UNC13C: variants seen among roughly 807,000 people sequenced by gnomAD.
UNC13C encodes protein unc-13 homolog C.
UNC13C carries 174 observed loss-of-function variants against 245.4 expected under a neutral mutation model. The ratio of observed to expected loss-of-function variants is 0.71; its 90% CI spans 0.63 to 0.80. UNC13C has a LOEUF of 0.80. Ranked by LOEUF, UNC13C falls within the 30% of genes least tolerant of loss-of-function variation. The pLI is 0.00. For missense variants in UNC13C, 2,829 were observed against 2,602.9 expected (o/e 1.09, Z -1.89); for synonymous variants, 992 against 895.1 (o/e 1.11, Z -1.93).
chr15:53,923,795 C>T, the UNC13C span, among the ~76,000 whole-genome samples: 1 of 152,222 alleles, frequency 6.6e-6, no homozygotes, highest in Non-Finnish European at 1.5e-5. Flanking sequence ...AGGCACTTTC[C>T]TCCCACGCTT....
chr15:53,951,807 C>T, the UNC13C span, among the ~76,000 whole-genome samples: 2 of 152,152 alleles, frequency 1.3e-5, no homozygotes, highest in Non-Finnish European at 2.9e-5. Flanking sequence ...GTGCAAGTAA[C>T]CTTTCCTCCT....
chr15:54,008,564 A>G (rs912762341), intron 1 of UNC13C, among the ~76,000 whole-genome samples: 3 of 152,206 alleles, frequency 2.0e-5, no homozygotes, highest in African/African-American at 7.2e-5. Context: ...TAGTTATTTA[A>G]CTAAAGTTAA....
intron 10 of UNC13C, among the ~76,000 whole-genome samples, chr15:54,291,815 G>C (rs1043238074): frequency 1.3e-5 from 2 of 151,944 alleles, no homozygotes; most frequent in Non-Finnish European, 2.9e-5. Flanking sequence ...CTGAAACAAA[G>C]TAACGCATGA....
chr15:54,169,690 T>A (rs2033315094), intron 4 of UNC13C, among the ~76,000 whole-genome samples: 1 of 152,174 alleles, frequency 6.6e-6, no homozygotes, highest in African/African-American at 2.4e-5. Flanking sequence ...GCCCTAGGGC[T>A]TTAAGCTTTC....
intron 13 of UNC13C, among the ~76,000 whole-genome samples, chr15:54,309,335 AT>A: frequency 6.6e-6 from 1 of 151,808 alleles, no homozygotes; most frequent in East Asian, 1.9e-4. Context: ...TCCTTTGCCC[AT>A]TTTTTAATCA....
chr15:54,389,595 C>T (rs890645298), intron 17 of UNC13C, among the ~76,000 whole-genome samples: 1 of 152,188 alleles, frequency 6.6e-6, no homozygotes, highest in Non-Finnish European at 1.5e-5. Flanking sequence ...GTACATGATA[C>T]TAACATAGAG....
chr15:54,624,149 T>C (rs1900989523), intron 32 of UNC13C, among the ~76,000 whole-genome samples, 195 bp downstream of exon 32: 1 of 152,180 alleles, frequency 6.6e-6, no homozygotes, highest in Non-Finnish European at 1.5e-5. Context: ...GTATATATCA[T>C]AGGAGGTGTC....
the UNC13C span, among the ~76,000 whole-genome samples, chr15:53,935,318 C>A: frequency 6.6e-6 from 1 of 152,030 alleles, no homozygotes; most frequent in South Asian, 2.1e-4. Flanking sequence ...CCCCTCTGTT[C>A]ATTTATTTGG....
At chr15:54,024,153 C>A (rs932286849) in intron 2 of UNC13C, among the ~76,000 whole-genome samples, 3 of 152,118 alleles carry the variant, frequency 2.0e-5, no homozygotes, top group Non-Finnish European at 4.4e-5. Flanking sequence ...AGAGAGGAGA[C>A]CGACTCCAGT....
At chr15:54,353,704 A>T (rs919023593) in intron 17 of UNC13C, among the ~76,000 whole-genome samples, 2 of 152,130 alleles carry the variant, frequency 1.3e-5, no homozygotes, top group African/African-American at 4.8e-5. Flanking sequence ...TTATTTTCTA[A>T]ATGTCTAATT....
chr15:54,213,608 G>A (rs940584310), intron 4 of UNC13C, among the ~76,000 whole-genome samples: 2 of 152,008 alleles, frequency 1.3e-5, no homozygotes, highest in African/African-American at 4.8e-5. Context: ...TGGGTTGCAG[G>A]CAAATTATTT....
At chr15:53,971,201 T>C in the UNC13C span, among the ~76,000 whole-genome samples, 2 of 152,208 alleles carry the variant, frequency 1.3e-5, no homozygotes, top group Admixed American at 6.5e-5. Context: ...AATGGATAAA[T>C]GACAGCCTCT....
intron 1 of UNC13C, among the ~76,000 whole-genome samples, chr15:54,006,714 G>T (rs1895152534): frequency 6.6e-6 from 1 of 152,104 alleles, no homozygotes; most frequent in South Asian, 2.1e-4. Flanking sequence ...CAACCTATTT[G>T]CTCATCATCT....
At chr15:54,545,195 G>A (rs1217697312) in intron 26 of UNC13C, among the ~76,000 whole-genome samples, 1 of 152,120 alleles carries the variant, frequency 6.6e-6, no homozygotes, top group Non-Finnish European at 1.5e-5. Context: ...CAAGCAATGG[G>A]GAAACGATTC....
chr15:54,531,374 T>A (rs1302315449), intron 25 of UNC13C, among the ~76,000 whole-genome samples: 1 of 152,212 alleles, frequency 6.6e-6, no homozygotes, highest in Non-Finnish European at 1.5e-5. Context: ...TCAGTTAAAC[T>A]TGAATTTTAG....
intron 19 of UNC13C, among the ~76,000 whole-genome samples, chr15:54,468,968 TGAA>T (rs1892316627): frequency 6.6e-6 from 1 of 151,672 alleles, no homozygotes; most frequent in African/African-American, 2.4e-5. Flanking sequence ...TCTATTTCCG[TGAA>T]GAATAGCATT....
chr15:54,485,552 C>G (rs1468052813), intron 19 of UNC13C, among the ~76,000 whole-genome samples: 1 of 152,220 alleles, frequency 6.6e-6, no homozygotes, highest in Non-Finnish European at 1.5e-5. Flanking sequence ...TCATCCCTGT[C>G]TTCTGTTCAC....
the UNC13C span, among the ~76,000 whole-genome samples, chr15:53,904,547 C>T: frequency 6.6e-6 from 1 of 152,078 alleles, no homozygotes; most frequent in Non-Finnish European, 1.5e-5. Flanking sequence ...GCCTCCAGGT[C>T]ATGAGGGATA....
At chr15:54,203,564 A>G (rs929080912) in intron 4 of UNC13C, among the ~76,000 whole-genome samples, 3 of 147,092 alleles carry the variant, frequency 2.0e-5, no homozygotes, top group African/African-American at 7.4e-5. Flanking sequence ...TTTATGACTG[A>G]GTAGTATTTC....
Sources: gnomAD v4.1 joint callset for allele counts (sites outside exome capture counted in the v4.1 genomes callset) on GRCh38, gnomAD v4.1.1 for gene constraint, MANE v1.5 for transcripts, NCBI Gene and HGNC (gene_info 2026-07-23, HGNC 2026-07-21) for gene names.